The following GXYLT1 variants were observed in gnomAD, a reference collection of about 807,000 sequenced individuals.
GXYLT1 encodes glycosyltransferase 8 domain containing 3.
GXYLT1 carries 29 observed loss-of-function variants against 54.0 expected under a neutral mutation model. That is an observed-to-expected ratio of 0.54 (90% CI 0.40 to 0.73). GXYLT1 has a LOEUF of 0.73. Ranked by LOEUF, GXYLT1 falls within the 30% of genes least tolerant of loss-of-function variation. The probability of loss-of-function intolerance (pLI) is 0.00; values close to 1 mark genes in which losing one functional copy is unlikely to be tolerated. For synonymous variants in GXYLT1, 176 were observed against 204.1 expected (o/e 0.86, Z 1.17); for missense variants, 490 against 553.4 (o/e 0.89, Z 1.15).
At chr12:42,097,412 A>AT in intron 7 of GXYLT1, 30 bp downstream of exon 7, 5 of 1,512,290 alleles carry the variant, frequency 3.3e-6, no homozygotes, top group Non-Finnish European at 4.4e-6. Flanking sequence ...TTCAAACAAA[A>AT]AGTTAAAAAA....
Position 42,129,636 on chromosome 12 carries a change from A to G in GXYLT1, c.314+123T>C, listed in dbSNP as rs879253298. 2.6e-4 allele frequency: 149 copies of G among 576,502 alleles called. 2 individuals are homozygous for G. In the South Asian group the frequency reaches 4.2e-3, roughly 16 times the overall value. 35.7% of individuals were successfully genotyped at this position (576,502 alleles called of 1,614,324 possible). A position where few individuals can be genotyped will look rare whatever the true frequency, so the allele number is the denominator to read the frequency against. Reference sequence around the variant, plus strand: ...CAAAATGGGAAAAATAGAAAACCCAATAAGAAAATAAATTATTTGTATAAT... The same window carrying G: ...CAAAATGGGAAAAATAGAAAACCCAGTAAGAAAATAAATTATTTGTATAAT... On this transcript the variant is annotated intron_variant, in intron 2 of 7. Transcript: ENST00000398675.
At position 42,144,653 on chromosome 12, in the gene GXYLT1, GGCCGCGCTCCTCCTTCGCCGCCGCC is replaced by G; in HGVS notation, c.-32_-8del. 2 of 1,377,604 alleles carry G rather than the reference GGCCGCGCTCCTCCTTCGCCGCCGCC, an allele frequency of 1.5e-6. No individual in the cohort carries two copies. The highest frequency in any genetic ancestry group is 1.9e-6 in the Non-Finnish European group (2 of 1,039,602). 85.3% of individuals were successfully genotyped at this position (1,377,604 alleles called of 1,614,324 possible). ...CGCGCAGGTAGCGCCGCATCGCCCC[GGCCGCGCTCCTCCTTCGCCGCCGCC>G]GCCGCGCCCGCCCCGACGAACTGGA... On this transcript the variant is annotated 5_prime_UTR_variant, in exon 1 of 8. Coordinates refer to ENST00000398675, the MANE Select transcript of GXYLT1 (RefSeq NM_173601.2).
chr12:42,089,325 C>T (rs927453807), intron 7 of GXYLT1, among the ~76,000 whole-genome samples: 1 of 111,234 alleles, frequency 9.0e-6, no homozygotes, highest in Middle Eastern at 0.01. Context: ...CATCACACAT[C>T]GGGAACTGTT....
intron 2 of GXYLT1, among the ~76,000 whole-genome samples, chr12:42,126,013 T>C (rs1312040486): frequency 6.6e-6 from 1 of 150,804 alleles, no homozygotes; most frequent in Non-Finnish European, 1.5e-5. Context: ...GGCGACAAAG[T>C]GAGACTATCT....
chr12:42,105,726 T>G (rs1038333504), intron 5 of GXYLT1, 92 bp downstream of exon 5: 25 of 835,920 alleles, frequency 3.0e-5, no homozygotes, highest in Non-Finnish European at 4.4e-5. Flanking sequence ...TATTTATAGT[T>G]CAATTTAGTT....
At chr12:42,117,756 T>C (rs1232018624) in intron 3 of GXYLT1, among the ~76,000 whole-genome samples, 2 of 152,236 alleles carry the variant, frequency 1.3e-5, no homozygotes, top group African/African-American at 4.8e-5. Flanking sequence ...ATCTGTTCTC[T>C]TATTGTACAA....
At chr12:42,137,382 C>T (rs2065625545) in intron 1 of GXYLT1, among the ~76,000 whole-genome samples, 1 of 151,636 alleles carries the variant, frequency 6.6e-6, no homozygotes, top group Non-Finnish European at 1.5e-5. Context: ...GTGGCATGCA[C>T]CTGTACTCCC....
chr12:42,097,331 C>T (rs1204892509), intron 7 of GXYLT1, 111 bp downstream of exon 7: 3 of 709,730 alleles, frequency 4.2e-6, no homozygotes, highest in Non-Finnish European at 6.3e-6. Context: ...ATGTTAATAA[C>T]AGATGAGGCT....
intron 1 of GXYLT1, among the ~76,000 whole-genome samples, chr12:42,133,854 C>T (rs2065605645): frequency 2.0e-5 from 3 of 152,118 alleles, no homozygotes; most frequent in Admixed American, 2.0e-4. Flanking sequence ...CCAGGTTACA[C>T]AATTCTTTAA....
chr12:42,130,892 A>G (rs1487263426), intron 1 of GXYLT1, among the ~76,000 whole-genome samples: 1 of 152,174 alleles, frequency 6.6e-6, no homozygotes, highest in Non-Finnish European at 1.5e-5. Context: ...TGTTGCAATA[A>G]GCTGTGACTG....
intron 1 of GXYLT1, among the ~76,000 whole-genome samples, chr12:42,142,620 A>G (rs2136924903): frequency 6.6e-6 from 1 of 152,276 alleles, no homozygotes; most frequent in South Asian, 2.1e-4. Context: ...CTGGGATTAC[A>G]GGCGTGAGCT....
chr12:42,108,063 A>T (rs1331365299), intron 4 of GXYLT1, among the ~76,000 whole-genome samples: 1 of 152,236 alleles, frequency 6.6e-6, no homozygotes, highest in African/African-American at 2.4e-5. Context: ...AATTTACTTA[A>T]ATCTGGTTAA....
In GXYLT1 at chr12:42,144,653, GGCCGCGCTCCTCCTTC is replaced by G. The variant is rs1381856478; in HGVS notation, c.-23_-8del. On this transcript the variant is annotated 5_prime_UTR_variant, in exon 1 of 8. Transcript: ENST00000398675. The stretch of plus-strand genomic sequence containing the variant: ...CGCGCAGGTAGCGCCGCATCGCCCC[GGCCGCGCTCCTCCTTC>G]GCCGCCGCCGCCGCGCCCGCCCCGA... 3.8e-5 allele frequency: 52 copies of G among 1,377,604 alleles called. No individual in the cohort carries two copies. In the East Asian group the frequency reaches 1.5e-3, roughly 40 times the overall value. 85.3% of individuals were successfully genotyped at this position (1,377,604 alleles called of 1,614,324 possible).
rs1367904366 is a variant in GXYLT1, at chr12:42,097,527, C to A, written c.1076G>T (p.Gly359Val). ...TCTGTTCCCATGAAGAATAAAGATT[C>A]CTCCTTCTTCTGCTTCTTGGCAATT... ...GSNCQEAEEGGIFILHGNRGV... is the reference protein window; with the variant it reads ...GSNCQEAEEGVIFILHGNRGV... The change falls in exon 7 of 8, where the codon GGA (glycine) becomes GTA (valine). Residue 359 changes from glycine to valine, a missense_variant. Gly to Val is a moderately radical substitution (Grantham distance 109). This residue lies in a region of GXYLT1 where 342 missense variants were observed against 342.6 expected (regional missense o/e 1.00). Coordinates refer to ENST00000398675, the MANE Select transcript of GXYLT1 (RefSeq NM_173601.2). 3 of 1,611,028 alleles carry A rather than the reference C, an allele frequency of 1.9e-6. No homozygotes were observed. The highest frequency in any genetic ancestry group is 2.2e-5 in the East Asian group (1 of 44,724).
intron 7 of GXYLT1, among the ~76,000 whole-genome samples, chr12:42,094,402 A>C (rs1029938495): frequency 1.3e-5 from 2 of 150,152 alleles, no homozygotes; most frequent in African/African-American, 4.9e-5. Context: ...TCATGCCTGT[A>C]ATCTCAGCCA....
chr12:42,100,726 A>G (rs1592105300), intron 5 of GXYLT1, among the ~76,000 whole-genome samples: 2 of 152,126 alleles, frequency 1.3e-5, no homozygotes, highest in East Asian at 3.8e-4. Context: ...TAACTCTTAG[A>G]AATAAGTCAT....
At chr12:42,109,178 C>T (rs1018804040) in intron 4 of GXYLT1, among the ~76,000 whole-genome samples, 1 of 152,122 alleles carries the variant, frequency 6.6e-6, no homozygotes, top group African/African-American at 2.4e-5. Flanking sequence ...AAGCACTCTA[C>T]CTCATTTCTC....
chr12:42,088,865 C>A (rs1291974262), intron 7 of GXYLT1, among the ~76,000 whole-genome samples: 1 of 44,614 alleles, frequency 2.2e-5, no homozygotes, highest in Non-Finnish European at 5.8e-5. Context: ...TTCACTAGCA[C>A]GCTGAGGGAG....
Position 42,112,936 on chromosome 12 carries a change from G to A in GXYLT1, c.487-3245C>T, listed in dbSNP as rs965342471. Among the ~76,000 whole-genome samples the A allele has an allele frequency of 4.6e-5, 7 of 151,258 alleles. 2 individuals are homozygous for A. The highest frequency in any genetic ancestry group is 1.7e-4 in the African/African-American group (7 of 40,558). Reference sequence around the variant, plus strand: ...CATCAGACTAAGGGCGGATCTCTCGGCAGAAACTCTACAAGCCAGAAGAGA... The same window carrying A: ...CATCAGACTAAGGGCGGATCTCTCGACAGAAACTCTACAAGCCAGAAGAGA... On this transcript the variant is annotated intron_variant, in intron 3 of 7. Coordinates refer to ENST00000398675, the MANE Select transcript of GXYLT1 (RefSeq NM_173601.2).
Sources: allele counts gnomAD v4.1 joint callset (sites outside exome capture counted in the v4.1 genomes callset), GRCh38; gene constraint gnomAD v4.1.1; regional missense constraint gnomAD v4.1.1; transcripts MANE v1.5; gene names NCBI Gene and HGNC (gene_info 2026-07-23, HGNC 2026-07-21).